C9orf85: variants seen among roughly 807,000 people sequenced by gnomAD.
C9orf85 encodes chromosome 9 open reading frame 85.
In C9orf85, 16 loss-of-function variants were observed where a neutral mutation model predicts 14.9. The observed-to-expected ratio is 1.08, with a 90% CI of 0.73 to 1.63. C9orf85 has a LOEUF of 1.63. Among genes scored for constraint, C9orf85 ranks in the 40% most tolerant of loss-of-function variants. The pLI, the probability that C9orf85 is intolerant of heterozygous loss-of-function variation, is 0.00. For missense variants in C9orf85, 172 were observed against 186.1 expected (o/e 0.92, Z 0.44); for synonymous variants, 45 against 56.8 (o/e 0.79, Z 0.93).
chr9:71,945,949 A>C (rs922165030), intron 1 of C9orf85, among the ~76,000 whole-genome samples: 5 of 152,258 alleles, frequency 3.3e-5, no homozygotes, highest in African/African-American at 1.2e-4. Context: ...TCCTGAATCA[A>C]ATGAGTATGT....
Position 71,962,728 on chromosome 9 carries a change from C to T in C9orf85, c.210-8777C>T, listed in dbSNP as rs144656584. ...TTTTACTTCCTTCAAACAGATTTGC[C>T]AGATGTTGATAGGTTTAATTATACA... On this transcript the variant is annotated intron_variant, in intron 2 of 3. Transcript: ENST00000334731. Among the ~76,000 whole-genome samples the T allele has an allele frequency of 3.7e-3, 562 of 152,212 alleles. 3 individuals are homozygous for T. Among genetic ancestry groups the T allele is most frequent in the African/African-American group, 0.013 (522 of 41,528 alleles).
At chr9:71,967,684 ATTTC>A (rs139632970) in intron 2 of C9orf85, among the ~76,000 whole-genome samples, 134,937 of 143,088 alleles carry the variant, frequency 0.94, 63,791 homozygotes, top group East Asian at 1. Flanking sequence ...AAAGACACTT[ATTTC>A]TTCTTTTCAA....
chr9:71,957,799 G>GT (rs1822417567), intron 2 of C9orf85, among the ~76,000 whole-genome samples: 1 of 152,106 alleles, frequency 6.6e-6, no homozygotes, highest in Admixed American at 6.6e-5. Flanking sequence ...AGTTGTGTAT[G>GT]TTTTTCCCAC....
intron 3 of C9orf85, among the ~76,000 whole-genome samples, chr9:71,980,044 C>T (rs538321929): frequency 2.1e-5 from 3 of 140,182 alleles, no homozygotes; most frequent in Non-Finnish European, 4.5e-5. Flanking sequence ...GATGGAGTCT[C>T]ACTCTGTCAC....
rs1328849375 is a variant in C9orf85, at chr9:71,972,762, AGAAGAAAT to A, written c.402_409del (p.Asn134LysfsTer2). ...AAGTTCCAACCATAGAAGAAGCTGC[AGAAGAAAT>A]GAAGAAAGTGATGATGATTTAGATT... On this transcript the variant is annotated frameshift_variant, in exon 4 of 4. Coordinates refer to ENST00000334731, the MANE Select transcript of C9orf85 (RefSeq NM_182505.5). LOFTEE classifies it low-confidence loss of function (END_TRUNC). 8.1e-6 allele frequency: 13 copies of A among 1,610,168 alleles called. No homozygotes were observed. The highest frequency in any genetic ancestry group is 4.0e-5 in the African/African-American group (3 of 74,862).
At chr9:71,964,000 C>T (rs1181101279) in intron 2 of C9orf85, among the ~76,000 whole-genome samples, 1 of 152,136 alleles carries the variant, frequency 6.6e-6, no homozygotes, top group East Asian at 1.9e-4. Context: ...CAGCTGGGCT[C>T]CTGAGTCTGG....
intron 3 of C9orf85, among the ~76,000 whole-genome samples, chr9:71,981,123 C>A (rs1299383731): frequency 1.3e-5 from 2 of 152,156 alleles, no homozygotes; most frequent in Non-Finnish European, 2.9e-5. Flanking sequence ...TCTGCAAGGT[C>A]ATGAACATCT....
At chr9:71,953,434 T>C (rs2132322014) in intron 2 of C9orf85, among the ~76,000 whole-genome samples, 1 of 152,274 alleles carries the variant, frequency 6.6e-6, no homozygotes, top group Middle Eastern at 3.4e-3. Context: ...ATCATAAAAA[T>C]ATTTCAAGTG....
chr9:71,937,516 A>G (rs771506599), intron 1 of C9orf85, among the ~76,000 whole-genome samples: 11 of 152,240 alleles, frequency 7.2e-5, no homozygotes, highest in Non-Finnish European at 1.5e-4. Context: ...TAAAGATTCT[A>G]GCAGTAACAA....
At chr9:71,941,320 G>A (rs1334700910) in intron 1 of C9orf85, among the ~76,000 whole-genome samples, 1 of 152,190 alleles carries the variant, frequency 6.6e-6, no homozygotes, top group Admixed American at 6.5e-5. Context: ...GTTGTAATTT[G>A]AAGAGATCTG....
At chr9:71,965,319 G>GTC (rs1176550130) in intron 2 of C9orf85, among the ~76,000 whole-genome samples, 10 of 152,024 alleles carry the variant, frequency 6.6e-5, no homozygotes, top group Admixed American at 6.6e-4. Context: ...TACCTGATTC[G>GTC]TCGGGTGTGA....
chr9:71,918,290 G>C, intron 1 of C9orf85: 1 of 420,614 alleles, frequency 2.4e-6, no homozygotes, highest in Non-Finnish European at 4.0e-6. Context: ...TTATATTAGT[G>C]TTCCTATTTT....
intron 1 of C9orf85, among the ~76,000 whole-genome samples, chr9:71,919,220 G>A (rs1040149474): frequency 5.3e-5 from 8 of 152,188 alleles, no homozygotes; most frequent in Admixed American, 2.0e-4. Flanking sequence ...TCTTTGTCCT[G>A]TCTCCCCATG....
chr9:71,972,741 TC>T lies in C9orf85; in HGVS notation c.375del (p.Asn126ThrfsTer16), dbSNP rs763643598. On this transcript the variant is annotated frameshift_variant, in exon 4 of 4. Transcript: ENST00000334731. LOFTEE classifies it low-confidence loss of function (END_TRUNC). ...KIEHTENNLS[S>X]NHRRSCRRNE... ...AGAACATACTGAAAATAATCTAAGT[TC>T]CAACCATAGAAGAAGCTGCAGAAGA... 76 of 1,607,424 alleles carry T rather than the reference TC, an allele frequency of 4.7e-5. 1 individual carries two copies. The Middle Eastern group carries it at 6.7e-4, about 14-fold the overall frequency.
chr9:71,951,047 C>T (rs1822231970), intron 2 of C9orf85, among the ~76,000 whole-genome samples: 1 of 152,144 alleles, frequency 6.6e-6, no homozygotes, highest in Non-Finnish European at 1.5e-5. Flanking sequence ...CTGTTTCAAC[C>T]ATGGGAAACA....
At chr9:71,926,930 C>G (rs1827943439) in intron 1 of C9orf85, among the ~76,000 whole-genome samples, 1 of 151,714 alleles carries the variant, frequency 6.6e-6, no homozygotes, top group African/African-American at 2.4e-5. Context: ...AAAAAAAACT[C>G]CAAAGTTAAG....
chr9:71,924,252 A>G (rs1291137932), intron 1 of C9orf85, among the ~76,000 whole-genome samples: 2 of 152,122 alleles, frequency 1.3e-5, no homozygotes. Flanking sequence ...TTCTTTTCCA[A>G]TTTATCTGCT....
Position 71,978,809 on chromosome 9 carries a change from G to A in C9orf85, c.324-3848G>A, listed in dbSNP as rs374085545. On this transcript the variant is annotated intron_variant, in intron 3 of 3. Transcript: ENST00000377031. ...CCAGCACTTTGGGAGGCCAAGGTGG[G>A]TGGGTCACAAGGTCAAGAGATCTAG... 6.6e-5 allele frequency among the ~76,000 whole-genome samples: 10 copies of A among 152,342 alleles called. No individual in the cohort carries two copies. In the East Asian group the frequency reaches 1.5e-3, roughly 24 times the overall value.
chr9:71,975,571 G>A (rs1394186842), downstream of C9orf85, among the ~76,000 whole-genome samples: 7 of 152,128 alleles, frequency 4.6e-5, no homozygotes, highest in Non-Finnish European at 1.0e-4. Flanking sequence ...GTTGCCTCAC[G>A]CCTGTAATCC....
Sources: gnomAD v4.1 joint callset for allele counts (sites outside exome capture counted in the v4.1 genomes callset) on GRCh38, gnomAD v4.1.1 for gene constraint, MANE v1.5 for transcripts, NCBI Gene and HGNC (gene_info 2026-07-23, HGNC 2026-07-21) for gene names.